CCDC141: variants seen among roughly 807,000 people sequenced by gnomAD.
CCDC141 encodes the protein coiled-coil domain containing 141.
CCDC141 carries 168 observed loss-of-function variants against 181.0 expected under a neutral mutation model. That is an observed-to-expected ratio of 0.93 (90% CI 0.82 to 1.05). The LOEUF (loss-of-function observed/expected upper bound fraction) is 1.05, where lower values mean the gene tolerates loss of function less well. CCDC141 is among the 50% of genes least tolerant of loss of function. The pLI is 0.00. For missense variants in CCDC141, 1,902 were observed against 1,788.5 expected, an observed-to-expected ratio of 1.06 and a Z score of -1.14; for synonymous variants, 666 against 642.3, an observed-to-expected ratio of 1.04 and a Z score of -0.56.
rs189207714 is a variant in CCDC141 at position 179,007,646 on chromosome 2, T to A, written c.226-28971A>T. The stretch of plus-strand genomic sequence containing the variant: ...GAGGGTCAGAAACAAATAATTTTTT[T>A]AAAAAATTTAATGTCAAATAAGGGT... On this transcript the variant is annotated intron_variant, in intron 2 of 23. Transcript: ENST00000443758. Among the ~76,000 whole-genome samples the A allele has an allele frequency of 2.0e-3, 301 of 152,254 alleles. 1 individual carries two copies. The highest frequency in any genetic ancestry group is 4.7e-3 in the African/African-American group (197 of 41,546).
intron 6 of CCDC141, among the ~76,000 whole-genome samples, chr2:178,935,553 T>C (rs2154376244): frequency 6.6e-6 from 1 of 152,298 alleles, no homozygotes; most frequent in African/African-American, 2.4e-5. Context: ...ATTTTATGTC[T>C]TCCCTGTTGT....
intron 2 of CCDC141, among the ~76,000 whole-genome samples, chr2:179,016,637 C>T (rs17885265): frequency 0.49 from 74,117 of 151,976 alleles, 21,022 homozygotes; most frequent in Non-Finnish European, 0.64. Context: ...ATTGAGTGAA[C>T]TGATAAGTGG....
chr2:178,988,960 T>C (rs1691895487), intron 2 of CCDC141, among the ~76,000 whole-genome samples: 1 of 152,134 alleles, frequency 6.6e-6, no homozygotes. Flanking sequence ...TGTAAAAGAA[T>C]AAAATTGAAT....
chr2:178,995,994 C>T (rs1035665324), intron 2 of CCDC141, among the ~76,000 whole-genome samples: 3 of 151,978 alleles, frequency 2.0e-5, no homozygotes, highest in African/African-American at 7.2e-5. Context: ...AAGATGAAAA[C>T]ATTATATTAA....
At chr2:179,017,450 C>A (rs2042575479) in intron 2 of CCDC141, among the ~76,000 whole-genome samples, 1 of 151,928 alleles carries the variant, frequency 6.6e-6, no homozygotes, top group South Asian at 2.1e-4. Flanking sequence ...CACTGGGTTC[C>A]CACCTTTCAA....
Position 178,866,559 on chromosome 2 carries a change from T to C in CCDC141, c.2575-643A>G, listed in dbSNP as rs145511549. ...TAGATTCACTGCATTTCATATAGTTTAGTGGATATCTTACATGTATTTTAA... is the reference window on the plus strand; with the variant it reads ...TAGATTCACTGCATTTCATATAGTTCAGTGGATATCTTACATGTATTTTAA... On this transcript the variant is annotated intron_variant, in intron 16 of 23. Transcript: ENST00000443758. 1.3e-3 allele frequency among the ~76,000 whole-genome samples: 195 copies of C among 152,374 alleles called. 2 individuals carry two copies. Among genetic ancestry groups the C allele is most frequent in the Non-Finnish European group, 1.0e-4 (7 of 68,044 alleles).
At chr2:179,029,594 C>T (rs542191934) in intron 2 of CCDC141, among the ~76,000 whole-genome samples, 1 of 152,224 alleles carries the variant, frequency 6.6e-6, no homozygotes, top group Non-Finnish European at 1.5e-5. Context: ...GCTGGATACA[C>T]AGAGGGTGTC....
intron 4 of CCDC141, among the ~76,000 whole-genome samples, chr2:178,971,217 A>G (rs1007946649): frequency 1.3e-5 from 2 of 152,140 alleles, no homozygotes; most frequent in Non-Finnish European, 2.9e-5. Flanking sequence ...CAATTAAAAA[A>G]AAATTTATAA....
intron 2 of CCDC141, among the ~76,000 whole-genome samples, chr2:179,041,162 C>G (rs1467632890): frequency 6.6e-6 from 1 of 152,102 alleles, no homozygotes; most frequent in Non-Finnish European, 1.5e-5. Flanking sequence ...AGCTCCGCCT[C>G]CTGGGTTCAC....
Position 178,944,664 on chromosome 2 carries a change from C to A in CCDC141, c.781-13G>T. 1 of 1,241,610 alleles carries A rather than the reference C, an allele frequency of 8.1e-7. No homozygotes were observed. Among genetic ancestry groups the A allele is most frequent in the South Asian group, 1.5e-5 (1 of 67,396 alleles). 76.9% of individuals were successfully genotyped at this position (1,241,610 alleles called of 1,614,324 possible). A position where few individuals can be genotyped will look rare whatever the true frequency, so the allele number is the denominator to read the frequency against. ...ACCAACAAGTAACCTAGGTAAAAGG[C>A]AACAAAGAAAGATCAAAATTCAAAT... On this transcript the variant is annotated splice_polypyrimidine_tract_variant and intron_variant, in intron 5 of 23. Coordinates refer to ENST00000443758, the MANE Select transcript of CCDC141 (RefSeq NM_173648.4).
At chr2:179,044,368 A>G (rs1454804235) in intron 2 of CCDC141, among the ~76,000 whole-genome samples, 2 of 152,220 alleles carry the variant, frequency 1.3e-5, no homozygotes, top group Non-Finnish European at 2.9e-5. Context: ...AAGCAAAAGA[A>G]TGATGCTGGA....
intron 7 of CCDC141, among the ~76,000 whole-genome samples, chr2:178,908,183 G>A (rs1032485369): frequency 1.3e-5 from 2 of 151,982 alleles, no homozygotes; most frequent in African/African-American, 4.8e-5. Context: ...TGTTAACTGA[G>A]GGTTAGGTTT....
Position 178,992,767 on chromosome 2 carries a change from CAT to C in CCDC141, c.226-14094_226-14093del, listed in dbSNP as rs549299943. On this transcript the variant is annotated intron_variant, in intron 2 of 23. Coordinates refer to ENST00000443758, the MANE Select transcript of CCDC141 (RefSeq NM_173648.4). Reference sequence around the variant, plus strand: ...TGAATTGTAGTTCCCATAATTCCCACATGTCATGGGAGGGACCTGGTGGGAGA... The same window carrying C: ...TGAATTGTAGTTCCCATAATTCCCACGTCATGGGAGGGACCTGGTGGGAGA... Among the ~76,000 whole-genome samples the C allele has an allele frequency of 1.7e-3, 262 of 152,262 alleles. 7 individuals carry two copies. In the South Asian group the frequency reaches 0.02, roughly 12 times the overall value.
At chr2:178,979,301 A>C (rs1160251298) in intron 2 of CCDC141, among the ~76,000 whole-genome samples, 2 of 152,222 alleles carry the variant, frequency 1.3e-5, no homozygotes, top group African/African-American at 4.8e-5. Context: ...TGAAGTTGAC[A>C]CCAAAATAAA....
At chr2:178,936,686 A>G (rs1054092768) in intron 6 of CCDC141, among the ~76,000 whole-genome samples, 2 of 152,160 alleles carry the variant, frequency 1.3e-5, no homozygotes, top group African/African-American at 4.8e-5. Context: ...TGCTTTGTGA[A>G]GTATGGCCAT....
intron 2 of CCDC141, among the ~76,000 whole-genome samples, chr2:178,982,488 T>C (rs949799966): frequency 2.0e-5 from 3 of 152,202 alleles, no homozygotes; most frequent in Admixed American, 6.5e-5. Context: ...GGAACAGCTC[T>C]GGTCTACAGC....
intron 6 of CCDC141, among the ~76,000 whole-genome samples, chr2:178,939,252 C>G (rs1259636981): frequency 6.6e-6 from 1 of 152,112 alleles, no homozygotes; most frequent in East Asian, 1.9e-4. Flanking sequence ...TTTAAGAAAA[C>G]CTTCCATAAT....
rs1445196814 is a variant in CCDC141, at chr2:178,830,250, C to A, written c.*3923G>T. The A allele has an allele frequency of 6.6e-6, 1 of 152,194 alleles. No individual in the cohort carries two copies. Among genetic ancestry groups the A allele is most frequent in the Non-Finnish European group, 1.5e-5 (1 of 68,028 alleles). 9.4% of individuals were successfully genotyped at this position (152,194 alleles called of 1,614,324 possible). ...TTGATCCAGGAACAACAATCCTGGACCTTTCCTCTTTCCTCCTTACTATTA... is the reference window on the plus strand; with the variant it reads ...TTGATCCAGGAACAACAATCCTGGAACTTTCCTCTTTCCTCCTTACTATTA... On this transcript the variant is annotated 3_prime_UTR_variant, in exon 24 of 24. Coordinates refer to ENST00000443758, the MANE Select transcript of CCDC141 (RefSeq NM_173648.4).
At chr2:178,999,854 C>T (rs1157645824) in intron 2 of CCDC141, among the ~76,000 whole-genome samples, 1 of 152,104 alleles carries the variant, frequency 6.6e-6, no homozygotes, top group Non-Finnish European at 1.5e-5. Context: ...CCCTGACCCT[C>T]ATCCTCCCCT....
Sources: allele counts gnomAD v4.1 joint callset (sites outside exome capture counted in the v4.1 genomes callset), GRCh38; gene constraint gnomAD v4.1.1; transcripts MANE v1.5; gene names NCBI Gene and HGNC (gene_info 2026-07-23, HGNC 2026-07-21).